The following B3GLCT variants were observed in gnomAD, a reference collection of about 807,000 sequenced individuals.
B3GLCT encodes the protein beta 3-glucosyltransferase, also known as beta-1,3-glucosyltransferase.
Under a neutral mutation model 63.4 loss-of-function variants are expected in B3GLCT, and 65 were observed. That is an observed-to-expected ratio of 1.03 (90% confidence interval 0.84 to 1.26). The LOEUF (loss-of-function observed/expected upper bound fraction) is 1.26, where lower values mean the gene tolerates loss of function less well. B3GLCT is among the 50% of genes most tolerant of loss of function. The pLI is 0.00. For synonymous variants in B3GLCT, 233 were observed against 219.2 expected (o/e 1.06, Z -0.55); for missense variants, 577 against 604.8 (o/e 0.95, Z 0.48).
intron 3 of B3GLCT, among the ~76,000 whole-genome samples, chr13:31,228,290 A>T (rs1354589045): frequency 6.6e-6 from 1 of 152,136 alleles, no homozygotes; most frequent in East Asian, 1.9e-4. Flanking sequence ...TGAGTTACTT[A>T]TTTGCAAACC....
intron 4 of B3GLCT, among the ~76,000 whole-genome samples, chr13:31,245,405 T>C (rs1017104513): frequency 6.6e-6 from 1 of 152,172 alleles, no homozygotes; most frequent in Non-Finnish European, 1.5e-5. Flanking sequence ...CTTAGCTATG[T>C]TTTAATTGAA....
At chr13:31,328,864 A>G (rs1215260123) in intron 14 of B3GLCT, among the ~76,000 whole-genome samples, 1 of 152,144 alleles carries the variant, frequency 6.6e-6, no homozygotes, top group African/African-American at 2.4e-5. Flanking sequence ...AACTTCTAAA[A>G]AATTTTGCAA....
At chr13:31,314,301 A>C (rs1029175340) in intron 12 of B3GLCT, among the ~76,000 whole-genome samples, 7 of 152,188 alleles carry the variant, frequency 4.6e-5, no homozygotes, top group Admixed American at 2.0e-4. Flanking sequence ...TGCACCATGC[A>C]TCTGGAAGAG....
At position 31,244,272 on chromosome 13, in the gene B3GLCT, A is replaced by C. The variant is rs145841931; in HGVS notation, c.271-2751A>C. ...TTTGGGAGGCCGAGGCGGGTGGATC[A>C]CCTGAAATCAGGAGTTCGAGACCAG... On this transcript the variant is annotated intron_variant, in intron 4 of 14. Transcript: ENST00000343307. Among the ~76,000 whole-genome samples, 730 of 152,282 alleles carry C rather than the reference A, an allele frequency of 4.8e-3. 7 individuals carry two copies. Among genetic ancestry groups the C allele is most frequent in the African/African-American group, 0.017 (706 of 41,562 alleles).
chr13:31,231,882 G>A (rs1870399077), intron 4 of B3GLCT, among the ~76,000 whole-genome samples: 1 of 152,204 alleles, frequency 6.6e-6, no homozygotes, highest in South Asian at 2.1e-4. Flanking sequence ...AGGTACAAGA[G>A]CACTGGATGC....
At chr13:31,249,729 A>T (rs1308642332) in intron 6 of B3GLCT, among the ~76,000 whole-genome samples, 2 of 152,254 alleles carry the variant, frequency 1.3e-5, no homozygotes, top group East Asian at 3.8e-4. Flanking sequence ...TGTAAAAAAA[A>T]ACCATCCAGG....
chr13:31,326,275 C>CTTTTT (rs11415456), intron 14 of B3GLCT, among the ~76,000 whole-genome samples: 10 of 75,866 alleles, frequency 1.3e-4, no homozygotes, highest in Admixed American at 2.1e-4. Context: ...AGGTCTTTCC[C>CTTTTT]TTTTTTTTTT....
Position 31,298,688 on chromosome 13 carries a change from G to A in B3GLCT, c.1064+11869G>A, listed in dbSNP as rs150186187. 1.0e-3 allele frequency among the ~76,000 whole-genome samples: 159 copies of A among 152,280 alleles called. 2 individuals carry two copies. In the East Asian group the frequency reaches 0.011, roughly 10 times the overall value. On this transcript the variant is annotated intron_variant, in intron 12 of 14. Transcript: ENST00000343307. ...GAGACATCAGAATCACTACCGTTCTGGTTTAGACTGCAGGCAACAATGCTA... is the reference window on the plus strand; with the variant it reads ...GAGACATCAGAATCACTACCGTTCTAGTTTAGACTGCAGGCAACAATGCTA...
intron 6 of B3GLCT, among the ~76,000 whole-genome samples, chr13:31,257,302 A>C (rs535429685): frequency 1.2e-3 from 179 of 152,250 alleles, no homozygotes; most frequent in African/African-American, 4.2e-3. Flanking sequence ...TTGGCATGGT[A>C]TGTAAAATAC....
intron 2 of B3GLCT, among the ~76,000 whole-genome samples, chr13:31,220,059 G>A (rs1869743140): frequency 1.3e-5 from 2 of 152,214 alleles, no homozygotes; most frequent in African/African-American, 2.4e-5. Flanking sequence ...AGTTGGTGGT[G>A]CAGGCAGAAT....
intron 12 of B3GLCT, among the ~76,000 whole-genome samples, chr13:31,300,699 G>T (rs1874179392): frequency 6.6e-6 from 1 of 152,108 alleles, no homozygotes; most frequent in South Asian, 2.1e-4. Flanking sequence ...TTACCAGAAG[G>T]CAAAAATCTG....
chr13:31,232,368 G>T (rs1870421581), intron 4 of B3GLCT, among the ~76,000 whole-genome samples: 2 of 152,170 alleles, frequency 1.3e-5, no homozygotes, highest in Non-Finnish European at 2.9e-5. Flanking sequence ...TTCAATCATG[G>T]CAGAAGGTGA....
intron 4 of B3GLCT, among the ~76,000 whole-genome samples, chr13:31,237,637 G>A (rs767677272): frequency 6.6e-6 from 1 of 152,180 alleles, no homozygotes; most frequent in Non-Finnish European, 1.5e-5. Flanking sequence ...TTACAGGTGT[G>A]AGCCACCATG....
rs141759228 is a variant in B3GLCT, at chr13:31,317,608, C to T, written c.1107C>T (p.Gly369=). 21 of 1,613,902 alleles carry T rather than the reference C, an allele frequency of 1.3e-5. No homozygotes were observed. Among genetic ancestry groups the T allele is most frequent in the Middle Eastern group, 3.3e-4 (2 of 6,084 alleles). ...LQHLLSCYDS[G]EPVFLGERYG... The stretch of plus-strand genomic sequence containing the variant: ...ACTTGCTTAGCTGTTATGACTCCGG[C>T]GAGCCTGTGTTTCTGGGAGAGCGCT... The change falls in exon 13 of 15, where the codon GGC becomes GGT. Residue 369 remains glycine, a synonymous_variant. Transcript: ENST00000343307.
At chr13:31,257,129 A>G (rs1235663535) in intron 6 of B3GLCT, among the ~76,000 whole-genome samples, 2 of 152,210 alleles carry the variant, frequency 1.3e-5, no homozygotes, top group Non-Finnish European at 2.9e-5. Context: ...TATACTATAT[A>G]ATAGCTGAAT....
At chr13:31,254,536 C>G (rs1461725080) in intron 6 of B3GLCT, among the ~76,000 whole-genome samples, 2 of 152,146 alleles carry the variant, frequency 1.3e-5, no homozygotes. Context: ...CTATTTATGA[C>G]AAACCCACAG....
chr13:31,214,994 A>G, intron 1 of B3GLCT, 57 bp from the exon 2 acceptor site: 1 of 1,483,206 alleles, frequency 6.7e-7, no homozygotes, highest in Non-Finnish European at 9.3e-7. Context: ...TGGATGTGAG[A>G]ATTAACCTGA....
intron 6 of B3GLCT, among the ~76,000 whole-genome samples, chr13:31,253,269 G>A (rs760249511): frequency 9.9e-5 from 15 of 152,122 alleles, no homozygotes; most frequent in Admixed American, 3.9e-4. Context: ...AGGAAAGATC[G>A]AAAATCGACA....
chr13:31,207,558 T>C (rs7319651), intron 1 of B3GLCT, among the ~76,000 whole-genome samples: 2,264 of 151,428 alleles, frequency 0.015, 58 homozygotes, highest in African/African-American at 0.052. Flanking sequence ...TATTTTTCTC[T>C]TTTTTTTTCA....
Sources: allele counts gnomAD v4.1 joint callset (sites outside exome capture counted in the v4.1 genomes callset), GRCh38; gene constraint gnomAD v4.1.1; transcripts MANE v1.5; gene names NCBI Gene and HGNC (gene_info 2026-07-23, HGNC 2026-07-21).